PRDM5: variants seen among roughly 807,000 people sequenced by gnomAD.
PRDM5 encodes PR domain zinc finger protein 5.
A neutral mutation model predicts 81.2 loss-of-function variants in PRDM5; 56 were observed. The ratio of observed to expected loss-of-function variants is 0.69; its 90% CI spans 0.56 to 0.86. PRDM5 has a LOEUF of 0.86. Ranked by LOEUF, PRDM5 falls within the 40% of genes least tolerant of loss-of-function variation. PRDM5 has a pLI of 0.00. For missense variants in PRDM5, 697 were observed against 770.1 expected (o/e 0.91, Z 1.12); for synonymous variants, 267 against 256.4 (o/e 1.04, Z -0.39).
chr4:120,758,870 C>G (rs1254259618), intron 13 of PRDM5, among the ~76,000 whole-genome samples: 1 of 152,030 alleles, frequency 6.6e-6, no homozygotes, highest in African/African-American at 2.4e-5. Flanking sequence ...ATTCTCCTAC[C>G]TCAGCCTCCT....
intron 2 of PRDM5, among the ~76,000 whole-genome samples, chr4:120,884,182 T>C (rs1034931847): frequency 2.0e-5 from 3 of 152,136 alleles, no homozygotes; most frequent in South Asian, 2.1e-4. Flanking sequence ...CATATATACA[T>C]AGAAATGCAC....
chr4:120,744,096 C>A (rs564098739), intron 14 of PRDM5, among the ~76,000 whole-genome samples: 75 of 152,266 alleles, frequency 4.9e-4, no homozygotes, highest in African/African-American at 1.8e-3. Context: ...GACCACAGTG[C>A]AATCAAACTA....
In PRDM5 at chr4:120,782,163, G is replaced by A. The variant is rs372894866; in HGVS notation, c.1283-860C>T. Among the ~76,000 whole-genome samples the A allele has an allele frequency of 2.0e-4, 31 of 152,228 alleles. No homozygotes were observed. In the East Asian group the frequency reaches 5.2e-3, roughly 26 times the overall value. On this transcript the variant is annotated intron_variant, in intron 11 of 15. Transcript: ENST00000264808. ...CAATGAATGTGTGCAATGAGAACACGATGTTTAATAACAATACGGTATAAA... is the reference window on the plus strand; with the variant it reads ...CAATGAATGTGTGCAATGAGAACACAATGTTTAATAACAATACGGTATAAA...
chr4:120,895,678 T>A (rs904987061), intron 2 of PRDM5: 1 of 152,282 alleles, frequency 6.6e-6, no homozygotes, highest in Non-Finnish European at 1.5e-5. Flanking sequence ...TGCGCTTTAA[T>A]AGCAGGTTTT....
At chr4:120,828,376 T>C (rs893101315) in intron 3 of PRDM5, among the ~76,000 whole-genome samples, 1 of 152,022 alleles carries the variant, frequency 6.6e-6, no homozygotes, top group Non-Finnish European at 1.5e-5. Context: ...GCATTTTACA[T>C]ATGGGAAAAC....
intron 14 of PRDM5, among the ~76,000 whole-genome samples, chr4:120,726,297 T>C (rs953685153): frequency 1.3e-5 from 2 of 152,222 alleles, no homozygotes; most frequent in Non-Finnish European, 2.9e-5. Flanking sequence ...CAAGGCTGAA[T>C]TGAGGTAATT....
intron 2 of PRDM5, among the ~76,000 whole-genome samples, chr4:120,876,265 G>C (rs1285238191): frequency 6.6e-6 from 1 of 152,134 alleles, no homozygotes; most frequent in Non-Finnish European, 1.5e-5. Flanking sequence ...CACTGCAAAA[G>C]AATCACAACC....
At chr4:120,738,001 T>A (rs1364241667) in intron 14 of PRDM5, among the ~76,000 whole-genome samples, 1 of 152,208 alleles carries the variant, frequency 6.6e-6, no homozygotes, top group East Asian at 1.9e-4. Flanking sequence ...ACAATTCCTG[T>A]CTACATGAAA....
At chr4:120,832,670 G>A (rs1756864341) in intron 3 of PRDM5, among the ~76,000 whole-genome samples, 1 of 152,044 alleles carries the variant, frequency 6.6e-6, no homozygotes, top group Non-Finnish European at 1.5e-5. Context: ...AGTATCTGCT[G>A]AATTGAATCA....
intron 14 of PRDM5, among the ~76,000 whole-genome samples, chr4:120,744,965 AG>A (rs1742757394): frequency 6.9e-6 from 1 of 144,374 alleles, no homozygotes; most frequent in Non-Finnish European, 1.5e-5. Context: ...AAAGCCAGGC[AG>A]AGACACAACC....
At chr4:120,785,196 T>C in intron 10 of PRDM5, 105 bp from the exon 11 acceptor site, 1 of 865,932 alleles carries the variant, frequency 1.2e-6, no homozygotes, top group Non-Finnish European at 1.9e-6. Context: ...GAAGGGAAGG[T>C]GGACAGTATC....
chr4:120,705,793 C>T (rs546764176), intron 15 of PRDM5, among the ~76,000 whole-genome samples: 2 of 152,120 alleles, frequency 1.3e-5, no homozygotes, highest in African/African-American at 2.4e-5. Context: ...GGAGCAAAGA[C>T]AGAAGGAGAG....
chr4:120,813,562 T>G (rs1277901949), intron 7 of PRDM5, among the ~76,000 whole-genome samples: 3 of 152,258 alleles, frequency 2.0e-5, no homozygotes, highest in African/African-American at 7.2e-5. Context: ...GCCTATTCCA[T>G]TTAATGCACT....
intron 1 of PRDM5, among the ~76,000 whole-genome samples, chr4:120,914,545 C>T (rs1310833362): frequency 6.6e-6 from 1 of 152,146 alleles, no homozygotes; most frequent in Non-Finnish European, 1.5e-5. Context: ...GTTTAATTGG[C>T]TCACAGTTCC....
chr4:120,859,354 G>A (rs1760295448), intron 2 of PRDM5, among the ~76,000 whole-genome samples: 1 of 151,782 alleles, frequency 6.6e-6, no homozygotes, highest in Admixed American at 6.6e-5. Flanking sequence ...GCTGGGACTG[G>A]GACTACAGGT....
chr4:120,731,367 C>CTT (rs200102326), intron 14 of PRDM5, among the ~76,000 whole-genome samples: 303 of 129,238 alleles, frequency 2.3e-3, no homozygotes, highest in East Asian at 9.8e-3. Context: ...CAGAGGTCTT[C>CTT]TTTTTTTTTT....
At chr4:120,737,765 T>TGTAC (rs1407888072) in intron 14 of PRDM5, among the ~76,000 whole-genome samples, 1 of 152,244 alleles carries the variant, frequency 6.6e-6, no homozygotes, top group Non-Finnish European at 1.5e-5. Context: ...GTCTGATTTG[T>TGTAC]GTACTGCTAT....
intron 3 of PRDM5, among the ~76,000 whole-genome samples, chr4:120,828,781 T>G (rs1261707732): frequency 6.6e-6 from 1 of 152,060 alleles, no homozygotes; most frequent in Non-Finnish European, 1.5e-5. Flanking sequence ...TATTAATATA[T>G]TCTTAGAGTA....
chr4:120,886,198 A>T (rs769503058), intron 2 of PRDM5, among the ~76,000 whole-genome samples: 2 of 152,264 alleles, frequency 1.3e-5, no homozygotes, highest in Non-Finnish European at 2.9e-5. Flanking sequence ...AAGTGGTTCC[A>T]TTTGGACCCC....
Sources: gnomAD v4.1 joint callset for allele counts (sites outside exome capture counted in the v4.1 genomes callset) on GRCh38, gnomAD v4.1.1 for gene constraint, MANE v1.5 for transcripts, NCBI Gene and HGNC (gene_info 2026-07-23, HGNC 2026-07-21) for gene names.